INTS10: variants seen among roughly 807,000 people sequenced by gnomAD.
INTS10 encodes the protein chromosome 8 open reading frame 35.
In INTS10, 44 loss-of-function variants were observed where a neutral mutation model predicts 94.4. The ratio of observed to expected loss-of-function variants is 0.47; its 90% confidence interval spans 0.37 to 0.60. The LOEUF is 0.60. INTS10 is among the 20% of genes least tolerant of loss of function. The pLI is 0.00. For synonymous variants in INTS10, 341 were observed against 320.7 expected (o/e 1.06, Z -0.68); for missense variants, 797 against 868.7 (o/e 0.92, Z 1.04).
intron 5 of INTS10, 140 bp downstream of exon 5, chr8:19,822,660 G>A (rs1372028769): frequency 7.3e-6 from 4 of 550,290 alleles, no homozygotes; most frequent in African/African-American, 5.7e-5. Flanking sequence ...TTTTAATTTA[G>A]AAGCATTTTA....
rs35459696 is a variant in INTS10, at chr8:19,826,446, G to C, written c.1027G>C (p.Val343Leu). ...CTTAGGTCCTAATGCCCCGAGCCAA[G>C]TTCCACTGGTTCTTCTTGAAGATGT... ...LFQGPNAPSQ[V>L]PLVLLEDVSN... Residue 343 changes from valine to leucine, a missense_variant, in exon 9 of 17, where the codon GTT becomes CTT. Physicochemically the swap from Val to Leu is conservative, Grantham distance 32. This residue lies in a region of INTS10 where 734 missense variants were observed against 787.8 expected (regional missense o/e 0.93). Transcript: ENST00000397977. The C allele has an allele frequency of 4.9e-4, 788 of 1,612,202 alleles. 7 individuals carry two copies. The African/African-American group carries it at 9.1e-3, about 19-fold the overall frequency.
chr8:19,832,772 A>G (rs2067333128), intron 11 of INTS10, among the ~76,000 whole-genome samples: 1 of 152,212 alleles, frequency 6.6e-6, no homozygotes, highest in African/African-American at 2.4e-5. Context: ...GAGATAGTCG[A>G]TAATTCACGA....
At position 19,832,070 on chromosome 8, in the gene INTS10, T is replaced by C. The variant is rs761701515; in HGVS notation, c.1337T>C (p.Leu446Pro). The C allele has an allele frequency of 2.5e-6, 4 of 1,607,300 alleles. No homozygotes were observed. In the South Asian group the frequency reaches 3.3e-5, roughly 13 times the overall value. Residue 446 changes from leucine (L) to proline (P), a missense_variant, in exon 11 of 17, where the codon CTT becomes CCT. Leu to Pro is a moderately conservative substitution (Grantham distance 98). Around this residue, in one of 3 missense-constraint regions of INTS10, gnomAD observed 734 missense variants for 787.8 expected, o/e 0.93. Coordinates refer to ENST00000397977, the MANE Select transcript of INTS10 (RefSeq NM_018142.4). ...ICLAWKTDTW[L>P]WLRIFLTDMI... Reference sequence around the variant, plus strand: ...TTGGCCTGGAAGACGGATACTTGGCTTTGGTTAAGAATCTTCCTCACTGAT... The same window carrying C: ...TTGGCCTGGAAGACGGATACTTGGCCTTGGTTAAGAATCTTCCTCACTGAT...
chr8:19,835,572 T>C (rs934560582), intron 12 of INTS10, among the ~76,000 whole-genome samples: 4 of 152,296 alleles, frequency 2.6e-5, no homozygotes, highest in Middle Eastern at 3.4e-3. Context: ...ATAGAAAAGA[T>C]TGGCTGGAGA....
In INTS10 at chr8:19,851,440, A is replaced by C. The variant is rs1003468315; in HGVS notation, c.1977-209A>C. On this transcript the variant is annotated intron_variant, in intron 16 of 16. Transcript: ENST00000397977. This position sits in a 1 kb window ranked among gnomAD's most constrained non-coding sequence, Gnocchi z 5.0. The stretch of plus-strand genomic sequence containing the variant: ...AAATGTTTGAAGTAACCTTTTATAG[A>C]GTGAGAAAGATGTCTGTCTAGTTTT... Among the ~76,000 whole-genome samples, 3 of 152,226 alleles carry C rather than the reference A, an allele frequency of 2.0e-5. No individual in the cohort carries two copies. The highest frequency in any genetic ancestry group is 4.4e-5 in the Non-Finnish European group (3 of 68,046).
intron 13 of INTS10, among the ~76,000 whole-genome samples, chr8:19,838,734 A>G (rs958057198): frequency 1.3e-5 from 2 of 152,194 alleles, no homozygotes; most frequent in Non-Finnish European, 2.9e-5. Flanking sequence ...GAAGGACAAT[A>G]TATTATGACC....
In INTS10 at chr8:19,843,012, G is replaced by A; in HGVS notation, c.1719+85G>A. On this transcript the variant is annotated intron_variant, in intron 14 of 16. Transcript: ENST00000397977. The surrounding 1 kb of genome is among the most constrained non-coding windows in gnomAD (Gnocchi z 4.7). ...TCGAGAACTTGAGAACCTTGCTAAG[G>A]ATTGTTATTTTAGTACTTTTGAGGG... The A allele has an allele frequency of 1.0e-6, 1 of 978,386 alleles. No individual in the cohort carries two copies. The highest frequency in any genetic ancestry group is 1.3e-5 in the South Asian group (1 of 75,222). The allele number at this position is 978,386 out of a possible 1,614,324, so 60.6% of individuals were successfully genotyped here. A position where few individuals can be genotyped will look rare whatever the true frequency, so the allele number is the denominator to read the frequency against.
At chr8:19,844,313 A>T in intron 15 of INTS10, 75 bp downstream of exon 15, 3 of 1,087,080 alleles carry the variant, frequency 2.8e-6, no homozygotes, top group Non-Finnish European at 4.0e-6. Context: ...AAAAGAATGA[A>T]CCATTCTGGA....
At chr8:19,841,911 A>C (rs1211535842) in intron 13 of INTS10, 1 of 452,910 alleles carries the variant, frequency 2.2e-6, no homozygotes, top group East Asian at 6.9e-5. Context: ...ACAAGAAGAG[A>C]GACTGTTATT....
chr8:19,844,899 TA>T (rs1367700595), intron 15 of INTS10, among the ~76,000 whole-genome samples: 1 of 152,186 alleles, frequency 6.6e-6, no homozygotes, highest in Non-Finnish European at 1.5e-5. Context: ...TTTTTATTTT[TA>T]TTTTGTTTTT....
chr8:19,823,201 T>C (rs2066522808), intron 5 of INTS10, 100 bp from the exon 6 acceptor site: 2 of 876,848 alleles, frequency 2.3e-6, no homozygotes, highest in Admixed American at 4.5e-5. Flanking sequence ...CCTATATATT[T>C]TAGATACTAC....
At chr8:19,835,730 C>G (rs2067603189) in intron 12 of INTS10, among the ~76,000 whole-genome samples, 1 of 152,222 alleles carries the variant, frequency 6.6e-6, no homozygotes, top group African/African-American at 2.4e-5. Flanking sequence ...ACTAGAGCTT[C>G]ACAACCCTGT....
intron 13 of INTS10, among the ~76,000 whole-genome samples, chr8:19,840,901 G>T (rs914733267): frequency 6.6e-6 from 1 of 152,152 alleles, no homozygotes; most frequent in Non-Finnish European, 1.5e-5. Flanking sequence ...CATATAATTA[G>T]GTAATGACAT....
chr8:19,845,844 G>C, intron 16 of INTS10, 47 bp downstream of exon 16: 1 of 1,315,356 alleles, frequency 7.6e-7, no homozygotes, highest in Admixed American at 1.7e-5. Flanking sequence ...CTCACCTTTT[G>C]TGTCTTTGTA....
At chr8:19,821,967 G>A (rs1270100810) in intron 4 of INTS10, 3 of 152,846 alleles carry the variant, frequency 2.0e-5, no homozygotes, top group Non-Finnish European at 2.9e-5. Context: ...TTAAAACTCT[G>A]ACTTTTCTGT....
At chr8:19,826,148 C>T (rs892615098) in intron 8 of INTS10, among the ~76,000 whole-genome samples, 3 of 152,202 alleles carry the variant, frequency 2.0e-5, no homozygotes, top group South Asian at 2.1e-4. Context: ...GGCGTGATCT[C>T]GGCTCACTGC....
rs117214882 is a variant in INTS10, at chr8:19,820,158, G to A, written c.302-221G>A. ...CCATTCACATACATCATTGTTTTTTGAATTTGATCAGTCTTGCAAATATTT... is the reference window on the plus strand; with the variant it reads ...CCATTCACATACATCATTGTTTTTTAAATTTGATCAGTCTTGCAAATATTT... On this transcript the variant is annotated intron_variant, in intron 3 of 16. Coordinates refer to ENST00000397977, the MANE Select transcript of INTS10 (RefSeq NM_018142.4). Among the ~76,000 whole-genome samples, 298 of 150,440 alleles carry A rather than the reference G, an allele frequency of 2.0e-3. 3 individuals are homozygous for A. The highest frequency in any genetic ancestry group is 0.014 in the Middle Eastern group (4 of 294).
intron 16 of INTS10, among the ~76,000 whole-genome samples, chr8:19,850,989 G>GCC (rs1332540581): frequency 1.3e-5 from 2 of 152,122 alleles, no homozygotes; most frequent in African/African-American, 2.4e-5. Flanking sequence ...CAGAGATTCT[G>GCC]CCTCTCTCTC....
rs76546478 is a variant in INTS10 at position 19,833,158 on chromosome 8, A to T, written c.1378-11A>T. 336 of 1,528,032 alleles carry T rather than the reference A, an allele frequency of 2.2e-4. No homozygotes were observed. The highest frequency in any genetic ancestry group is 2.7e-4 in the Non-Finnish European group (306 of 1,139,840). 94.7% of individuals were successfully genotyped at this position (1,528,032 alleles called of 1,614,324 possible). ...ATGCTTTTCCCCTCCTTGCTATTCT[A>T]TCTTTCTTAGGGTCAATATAAAAAG... On this transcript the variant is annotated splice_polypyrimidine_tract_variant and intron_variant, in intron 11 of 16. Transcript: ENST00000397977.
Sources: gnomAD v4.1 joint callset for allele counts (sites outside exome capture counted in the v4.1 genomes callset) on GRCh38, gnomAD v4.1.1 for gene constraint, gnomAD v4.1.1 regional missense constraint, Gnocchi (gnomAD v3.1) non-coding constraint, MANE v1.5 for transcripts, NCBI Gene and HGNC (gene_info 2026-07-23, HGNC 2026-07-21) for gene names.